SLC24A2: variants seen among roughly 807,000 people sequenced by gnomAD.
The protein encoded by SLC24A2 is solute carrier family 24 member 2, also known as sodium/potassium/calcium exchanger 2.
Under a neutral mutation model 62.0 loss-of-function variants are expected in SLC24A2, and 36 were observed. That is an observed-to-expected ratio of 0.58 (90% CI 0.44 to 0.77). The LOEUF is 0.77. SLC24A2 is among the 30% of genes least tolerant of loss of function. The pLI is 0.00. For missense variants in SLC24A2, 846 were observed against 817.9 expected, an observed-to-expected ratio of 1.03 and a Z score of -0.42; for synonymous variants, 358 against 294.0, an observed-to-expected ratio of 1.22 and a Z score of -2.23.
At chr9:19,831,244 C>G in the SLC24A2 span, among the ~76,000 whole-genome samples, 1 of 152,160 alleles carries the variant, frequency 6.6e-6, no homozygotes, top group African/African-American at 2.4e-5. Context: ...AAATTCTGGT[C>G]ACTAGCTAGA....
At chr9:19,542,485 G>T (rs569216780) in intron 8 of SLC24A2, among the ~76,000 whole-genome samples, 1 of 152,268 alleles carries the variant, frequency 6.6e-6, no homozygotes, top group East Asian at 1.9e-4. Context: ...TATTGAATAG[G>T]AGTGATGAGA....
chr9:19,906,027 C>T, the SLC24A2 span, among the ~76,000 whole-genome samples: 1 of 152,150 alleles, frequency 6.6e-6, no homozygotes, highest in Non-Finnish European at 1.5e-5. Flanking sequence ...AATATACATT[C>T]TTTTCAGCAC....
chr9:19,517,051 TATTA>T (rs935455710), intron 10 of SLC24A2, among the ~76,000 whole-genome samples: 6 of 152,240 alleles, frequency 3.9e-5, no homozygotes, highest in Non-Finnish European at 8.8e-5. Context: ...AAAAAAACTT[TATTA>T]TATATTTTTA....
the SLC24A2 span, among the ~76,000 whole-genome samples, chr9:20,068,828 T>C: frequency 2.0e-5 from 3 of 152,336 alleles, no homozygotes; most frequent in East Asian, 1.9e-4. Flanking sequence ...GATCCTGCTG[T>C]CAGCCTGTTC....
chr9:20,009,660 G>C, the SLC24A2 span, among the ~76,000 whole-genome samples: 1 of 152,160 alleles, frequency 6.6e-6, no homozygotes, highest in Non-Finnish European at 1.5e-5. Flanking sequence ...AGGAACATCT[G>C]TCCCTGTCCA....
chr9:19,626,791 C>G (rs1818045887), intron 2 of SLC24A2, among the ~76,000 whole-genome samples: 1 of 152,000 alleles, frequency 6.6e-6, no homozygotes, highest in Admixed American at 6.6e-5. Flanking sequence ...CTTTTTCTTT[C>G]AATACACTAC....
chr9:19,989,385 G>A, the SLC24A2 span, among the ~76,000 whole-genome samples: 198 of 152,132 alleles, frequency 1.3e-3, 1 homozygote, highest in Middle Eastern at 3.4e-3. Context: ...TTAACATAAT[G>A]CTGACACATC....
chr9:20,293,742 C>T, the SLC24A2 span, among the ~76,000 whole-genome samples: 8 of 152,146 alleles, frequency 5.3e-5, no homozygotes, highest in African/African-American at 1.9e-4. Context: ...AATACCATCC[C>T]TTCCCCAACC....
At chr9:19,872,683 T>C in the SLC24A2 span, among the ~76,000 whole-genome samples, 1 of 152,162 alleles carries the variant, frequency 6.6e-6, no homozygotes, top group Non-Finnish European at 1.5e-5. Context: ...CTAGTACAAG[T>C]AGTATAATAT....
the SLC24A2 span, among the ~76,000 whole-genome samples, chr9:19,903,982 G>A: frequency 6.6e-6 from 1 of 152,184 alleles, no homozygotes; most frequent in African/African-American, 2.4e-5. Flanking sequence ...CTGAGACCAT[G>A]GATGTTAGCA....
chr9:20,055,550 G>A, the SLC24A2 span, among the ~76,000 whole-genome samples: 161 of 152,096 alleles, frequency 1.1e-3, 5 homozygotes, highest in East Asian at 0.028. Context: ...TAAGTGATTT[G>A]CACATGGTCA....
chr9:20,073,937 T>C, the SLC24A2 span, among the ~76,000 whole-genome samples: 10 of 148,116 alleles, frequency 6.8e-5, no homozygotes, highest in Non-Finnish European at 1.3e-4. Context: ...TATATATATA[T>C]ATATGTATGT....
At chr9:20,077,787 T>C in the SLC24A2 span, among the ~76,000 whole-genome samples, 1 of 152,234 alleles carries the variant, frequency 6.6e-6, no homozygotes, top group South Asian at 2.1e-4. Flanking sequence ...AAGTCATCCC[T>C]GGTAATCCTT....
chr9:20,201,783 A>G, the SLC24A2 span, among the ~76,000 whole-genome samples: 1 of 152,124 alleles, frequency 6.6e-6, no homozygotes, highest in East Asian at 1.9e-4. Flanking sequence ...TAAATTGTTC[A>G]TTATTTCGAA....
chr9:20,037,062 A>T, the SLC24A2 span, among the ~76,000 whole-genome samples: 2 of 151,752 alleles, frequency 1.3e-5, no homozygotes, highest in African/African-American at 2.4e-5. Flanking sequence ...CATCCAGCTA[A>T]TTTTTTTGTA....
the SLC24A2 span, among the ~76,000 whole-genome samples, chr9:20,095,918 T>C: frequency 7.2e-5 from 11 of 152,278 alleles, 1 homozygote; most frequent in Middle Eastern, 6.8e-3. Flanking sequence ...TCAGATCTTG[T>C]GAGACTTATT....
chr9:19,873,910 G>C, the SLC24A2 span, among the ~76,000 whole-genome samples: 1 of 151,972 alleles, frequency 6.6e-6, no homozygotes, highest in Admixed American at 6.6e-5. Flanking sequence ...ACACTTATTG[G>C]CTGCTTTAAT....
At chr9:20,132,025 T>A in the SLC24A2 span, among the ~76,000 whole-genome samples, 2 of 152,152 alleles carry the variant, frequency 1.3e-5, no homozygotes, top group African/African-American at 4.8e-5. Context: ...CTTCAAGTTT[T>A]CTAGTATCCA....
At chr9:19,544,473 T>G (rs749820816) in intron 8 of SLC24A2, among the ~76,000 whole-genome samples, 1 of 152,168 alleles carries the variant, frequency 6.6e-6, no homozygotes, top group Non-Finnish European at 1.5e-5. Flanking sequence ...TCTGTCATTA[T>G]GATGCTAACT....
Sources: allele counts gnomAD v4.1 joint callset (sites outside exome capture counted in the v4.1 genomes callset), GRCh38; gene constraint gnomAD v4.1.1; transcripts MANE v1.5; gene names NCBI Gene and HGNC (gene_info 2026-07-23, HGNC 2026-07-21).